Variants in NSD2 observed in about 807,000 individuals in gnomAD.
The protein encoded by NSD2 is histone-lysine N-methyltransferase NSD2.
In NSD2, 12 loss-of-function variants were observed where a neutral mutation model predicts 139.0. The ratio of observed to expected loss-of-function variants is 0.09; its 90% CI spans 0.06 to 0.14. The LOEUF is 0.14. Ranked by LOEUF, NSD2 falls within the 10% of genes least tolerant of loss-of-function variation. The pLI is 1.00. For synonymous variants in NSD2, 669 were observed against 648.7 expected, an observed-to-expected ratio of 1.03 and a Z score of -0.48; for missense variants, 1,155 against 1,745.0, an observed-to-expected ratio of 0.66 and a Z score of 6.02.
intron 2 of NSD2, among the ~76,000 whole-genome samples, chr4:1,902,224 TTTTA>T (rs934667605): frequency 3.3e-5 from 5 of 152,070 alleles, no homozygotes; most frequent in East Asian, 1.9e-4. Context: ...AGTTTTTAAA[TTTTA>T]TTTATTTATT....
intron 11 of NSD2, 116 bp from the exon 12 acceptor site, chr4:1,953,208 C>G (rs1373234630): frequency 6.3e-7 from 1 of 1,579,730 alleles, no homozygotes; most frequent in Non-Finnish European, 8.6e-7. Context: ...GGGCCAGGTG[C>G]TTTAGCAGCA....
Position 1,961,007 on chromosome 4 carries a change from G to C in NSD2, c.3256-28G>C, listed in dbSNP as rs376073914. On this transcript the variant is annotated intron_variant, in intron 17 of 21. Transcript: ENST00000508803. ...CTGAGGATTGGTCAGCACGCTTTTT[G>C]TCATGGCCACATGCTTGTGATTTCC... The C allele has an allele frequency of 1.9e-6, 3 of 1,598,188 alleles. No individual in the cohort carries two copies. The East Asian group carries it at 6.7e-5, about 36-fold the overall frequency.
chr4:1,940,427 G>A, intron 9 of NSD2: 4 of 1,063,408 alleles, frequency 3.8e-6, no homozygotes, highest in Non-Finnish European at 4.6e-6. Context: ...ATTGTAACAT[G>A]ACACTTAGAC....
chr4:1,974,502 C>T lies in NSD2; in HGVS notation c.3373-361C>T, dbSNP rs184226810. 1,818 of 384,572 alleles carry T rather than the reference C, an allele frequency of 4.7e-3. 27 individuals carry two copies. Among genetic ancestry groups the T allele is most frequent in the African/African-American group, 0.033 (1,597 of 48,948 alleles). 23.8% of individuals were successfully genotyped at this position (384,572 alleles called of 1,614,324 possible). On this transcript the variant is annotated intron_variant, in intron 18 of 21. Coordinates refer to ENST00000508803, the MANE Select transcript of NSD2 (RefSeq NM_001042424.3). This position sits in a 1 kb window ranked among gnomAD's most constrained non-coding sequence, Gnocchi z 4.0. ...GTGCTGGGATTACAGGCGTGAGCCA[C>T]TGCGCCCAGCCAGGGTGAGTCTTGT...
chr4:1,973,474 A>T lies in NSD2; in HGVS notation c.3373-1389A>T, dbSNP rs1032960947. ...ACCGCGGCTCAGCGCGTCATGACAA[A>T]GCATCTGCAGAGGGCAGATGAGCAC... On this transcript the variant is annotated intron_variant, in intron 18 of 21. Coordinates refer to ENST00000508803, the MANE Select transcript of NSD2 (RefSeq NM_001042424.3). The surrounding 1 kb of genome is among the most constrained non-coding windows in gnomAD (Gnocchi z 5.5). Among the ~76,000 whole-genome samples the T allele has an allele frequency of 6.6e-6, 1 of 152,240 alleles. No individual in the cohort carries two copies. Among genetic ancestry groups the T allele is most frequent in the African/African-American group, 2.4e-5 (1 of 41,470 alleles).
rs58817114 is a variant in NSD2, at chr4:1,934,908, TAA to T, written c.1556-231_1556-230del. On this transcript the variant is annotated intron_variant, in intron 6 of 21. Coordinates refer to ENST00000508803, the MANE Select transcript of NSD2 (RefSeq NM_001042424.3). ...ATATATATATATATATATATATATA[TAA>T]AAAACAGATAAAACAGATGCTAATA... Among the ~76,000 whole-genome samples, 542 of 79,062 alleles carry T rather than the reference TAA, an allele frequency of 6.9e-3. 4 individuals are homozygous for T. The highest frequency in any genetic ancestry group is 0.015 in the South Asian group (36 of 2,352). The allele number at this position is 79,062 out of a possible 152,430, so 51.9% of individuals were successfully genotyped here.
In NSD2 at chr4:1,976,407, T is replaced by C. The variant is rs554540555; in HGVS notation, c.3622-68T>C. 5.1e-4 allele frequency: 786 copies of C among 1,538,530 alleles called. 9 individuals are homozygous for C. In the South Asian group the frequency reaches 8.9e-3, roughly 17 times the overall value. ...CTGAAGTTCCTGGAGTGTAGCTCGC[T>C]CTTCTGCCCTATTTGCTTCAGCCTG... On this transcript the variant is annotated intron_variant, in intron 20 of 21. Transcript: ENST00000508803. This position sits in a 1 kb window ranked among gnomAD's most constrained non-coding sequence, Gnocchi z 5.3.
At position 1,974,731 on chromosome 4, in the gene NSD2, A is replaced by G; in HGVS notation, c.3373-132A>G. 7.6e-7 allele frequency: 1 copy of G among 1,314,406 alleles called. No homozygotes were observed. Among genetic ancestry groups the G allele is most frequent in the South Asian group, 1.2e-5 (1 of 84,288 alleles). 81.4% of individuals were successfully genotyped at this position (1,314,406 alleles called of 1,614,324 possible). ...GTTTGGGGGTGTCCTGTCTCAGTGG[A>G]CACAGGACACCACGGTTTTCAGTAC... is the stretch of plus-strand genomic sequence containing the variant. On this transcript the variant is annotated intron_variant, in intron 18 of 21. Coordinates refer to ENST00000508803, the MANE Select transcript of NSD2 (RefSeq NM_001042424.3). This position sits in a 1 kb window ranked among gnomAD's most constrained non-coding sequence, Gnocchi z 4.0.
At chr4:1,902,896 C>T (rs1247560997) in intron 2 of NSD2, among the ~76,000 whole-genome samples, 8 of 152,072 alleles carry the variant, frequency 5.3e-5, no homozygotes, top group Admixed American at 6.6e-5. Flanking sequence ...TATGTCAGGC[C>T]TGATGGGGTG....
rs753476898 is a variant in NSD2 at position 1,974,694 on chromosome 4, G to A, written c.3373-169G>A. 2.1e-6 allele frequency: 2 copies of A among 968,626 alleles called. No homozygotes were observed. Among genetic ancestry groups the A allele is most frequent in the Non-Finnish European group, 1.7e-6 (1 of 605,656 alleles). The allele number at this position is 968,626 out of a possible 1,614,324, so 60.0% of individuals were successfully genotyped here. On this transcript the variant is annotated intron_variant, in intron 18 of 21. Transcript: ENST00000508803. The surrounding 1 kb of genome is among the most constrained non-coding windows in gnomAD (Gnocchi z 4.0). ...CCTGACCTGTCCTCTGTGAGCAAGA[G>A]AAACAGGACTGGTTTGGGGGTGTCC...
rs1553874601 is a variant in NSD2, at chr4:1,946,258, A to AT, written c.1882-4812dup. 50 of 959,360 alleles carry AT rather than the reference A, an allele frequency of 5.2e-5. No homozygotes were observed. In the South Asian group the frequency reaches 1.9e-3, roughly 37 times the overall value. The allele number at this position is 959,360 out of a possible 1,614,324, so 59.4% of individuals were successfully genotyped here. On this transcript the variant is annotated intron_variant, in intron 9 of 21. Transcript: ENST00000508803. The stretch of plus-strand genomic sequence containing the variant: ...AATTTGGGGGGTCTTGCATTTATTT[A>AT]TTATTTATTTATTTATTTATTTAGA...
intron 5 of NSD2, among the ~76,000 whole-genome samples, chr4:1,927,502 G>A (rs1721070588): frequency 6.6e-6 from 1 of 152,062 alleles, no homozygotes; most frequent in Non-Finnish European, 1.5e-5. Context: ...CAGATCACTT[G>A]AGGTCAGGAG....
At position 1,929,250 on chromosome 4, in the gene NSD2, C is replaced by T. The variant is rs1051318622; in HGVS notation, c.1411-1376C>T. 4.0e-5 allele frequency among the ~76,000 whole-genome samples: 6 copies of T among 151,882 alleles called. No homozygotes were observed. In the South Asian group the frequency reaches 6.2e-4, roughly 16 times the overall value. On this transcript the variant is annotated intron_variant, in intron 5 of 21. Coordinates refer to ENST00000508803, the MANE Select transcript of NSD2 (RefSeq NM_001042424.3). ...GGGGCCATGGGAGGCTATAAGAAGC[C>T]GTCTGTGGTGACTGTCTTGGGAGGA...
At chr4:1,957,435 C>T (rs1174363640) in intron 15 of NSD2, among the ~76,000 whole-genome samples, 1 of 151,412 alleles carries the variant, frequency 6.6e-6, no homozygotes, top group Non-Finnish European at 1.5e-5. Flanking sequence ...ACGCACCTGC[C>T]ATCATGCCTG....
chr4:1,942,562 C>A lies in NSD2; in HGVS notation c.1881+2784C>A, dbSNP rs1402529982. On this transcript the variant is annotated intron_variant, in intron 9 of 21. Coordinates refer to ENST00000508803, the MANE Select transcript of NSD2 (RefSeq NM_001042424.3). This position sits in a 1 kb window ranked among gnomAD's most constrained non-coding sequence, Gnocchi z 4.0. ...GAAAACAGATAACAAATTTTAAGAC[C>A]AAGGTAAGATAACTAATCAAGGCCA... The A allele has an allele frequency of 2.9e-6, 4 of 1,380,510 alleles. No homozygotes were observed. Among genetic ancestry groups the A allele is most frequent in the African/African-American group, 1.5e-5 (1 of 68,718 alleles). The allele number at this position is 1,380,510 out of a possible 1,614,324, so 85.5% of individuals were successfully genotyped here.
intron 7 of NSD2, among the ~76,000 whole-genome samples, chr4:1,936,247 A>G (rs1029147121): frequency 1.3e-5 from 2 of 152,218 alleles, no homozygotes; most frequent in African/African-American, 4.8e-5. Context: ...TGCATGTAGA[A>G]GACGTGAGCC....
At chr4:1,945,387 A>G (rs1198752430) in intron 9 of NSD2, 2 of 1,062,196 alleles carry the variant, frequency 1.9e-6, no homozygotes, top group Non-Finnish European at 2.3e-6. Flanking sequence ...TTGCTTGCCC[A>G]TGGTGTGTGT....
intron 1 of NSD2, among the ~76,000 whole-genome samples, chr4:1,881,638 C>G (rs1714701817): frequency 6.6e-6 from 1 of 152,300 alleles, no homozygotes; most frequent in East Asian, 1.9e-4. Context: ...CTCAAGCAGT[C>G]CTTCTGCCTG....
intron 17 of NSD2, 71 bp from the exon 18 acceptor site, chr4:1,960,964 G>C: frequency 1.7e-6 from 2 of 1,189,170 alleles, no homozygotes; most frequent in Non-Finnish European, 2.5e-6. Flanking sequence ...TCATGATGGG[G>C]AGTCTTGAGC....
Sources: gnomAD v4.1 joint callset for allele counts (sites outside exome capture counted in the v4.1 genomes callset) on GRCh38, gnomAD v4.1.1 for gene constraint, Gnocchi (gnomAD v3.1) non-coding constraint, MANE v1.5 for transcripts, NCBI Gene and HGNC (gene_info 2026-07-23, HGNC 2026-07-21) for gene names.